Variants in EPHB1 observed in about 807,000 individuals in gnomAD.
The protein encoded by EPHB1 is EPH receptor B1, also known as ephrin type-B receptor 1.
Under a neutral mutation model 94.4 loss-of-function variants are expected in EPHB1, and 30 were observed. The observed-to-expected ratio is 0.32, with a 90% CI of 0.24 to 0.43. The LOEUF (loss-of-function observed/expected upper bound fraction) is 0.43. Ranked by LOEUF, EPHB1 falls within the 20% of genes least tolerant of loss-of-function variation. The pLI is 1.00. For synonymous variants in EPHB1, 522 were observed against 489.1 expected (o/e 1.07, Z -0.89); for missense variants, 1,055 against 1,308.3 (o/e 0.81, Z 2.99).
intron 1 of EPHB1, among the ~76,000 whole-genome samples, chr3:134,824,482 G>C (rs999943633): frequency 1.3e-5 from 2 of 152,190 alleles, no homozygotes; most frequent in African/African-American, 4.8e-5. Flanking sequence ...ATTGCTCCCT[G>C]TTGTCAAAAG....
At chr3:135,032,546 T>C (rs1349769670) in intron 3 of EPHB1, among the ~76,000 whole-genome samples, 1 of 152,196 alleles carries the variant, frequency 6.6e-6, no homozygotes, top group Non-Finnish European at 1.5e-5. Context: ...CTTAAAAAAT[T>C]GTATCTGAGC....
chr3:135,238,506 C>T (rs1474172552), intron 12 of EPHB1, among the ~76,000 whole-genome samples: 2 of 152,198 alleles, frequency 1.3e-5, no homozygotes, highest in Non-Finnish European at 2.9e-5. Flanking sequence ...CTGGGGTTTG[C>T]TCCAGACTTG....
chr3:134,810,886 G>A (rs979796147), intron 1 of EPHB1, among the ~76,000 whole-genome samples: 80 of 152,326 alleles, frequency 5.3e-4, no homozygotes, highest in Non-Finnish European at 8.8e-5. Context: ...CCTAAGCCTA[G>A]CAGGGTACTG....
chr3:135,031,306 CCTTTCTCT>C (rs1488151312), intron 3 of EPHB1, among the ~76,000 whole-genome samples: 1 of 152,044 alleles, frequency 6.6e-6, no homozygotes, highest in Admixed American at 6.6e-5. Context: ...TCTCTTTCTC[CCTTTCTCT>C]CTTTCTCTGT....
chr3:134,897,492 C>T (rs1328919042), intron 1 of EPHB1, among the ~76,000 whole-genome samples: 12 of 152,144 alleles, frequency 7.9e-5, no homozygotes, highest in Non-Finnish European at 1.5e-4. Flanking sequence ...CAGGTGTGTT[C>T]GATCTTCTGG....
intron 1 of EPHB1, among the ~76,000 whole-genome samples, chr3:134,895,220 C>T (rs2038065417): frequency 6.6e-6 from 1 of 152,198 alleles, no homozygotes; most frequent in African/African-American, 2.4e-5. Context: ...TTGCTCTTTC[C>T]AGCTCAGCTT....
intron 4 of EPHB1, among the ~76,000 whole-genome samples, chr3:135,127,528 C>G (rs1940253674): frequency 1.3e-5 from 2 of 152,152 alleles, no homozygotes; most frequent in Non-Finnish European, 2.9e-5. Flanking sequence ...CTGCTTGGCA[C>G]CTTGTACCAG....
intron 12 of EPHB1, among the ~76,000 whole-genome samples, chr3:135,215,654 A>T (rs999247764): frequency 3.9e-5 from 6 of 152,208 alleles, no homozygotes; most frequent in African/African-American, 1.2e-4. Flanking sequence ...GTCAAGAGAG[A>T]ACAGGGGAAA....
In EPHB1 at chr3:134,870,569, G is replaced by C. The variant is rs115873098; in HGVS notation, c.59-55247G>C. Among the ~76,000 whole-genome samples the C allele has an allele frequency of 9.2e-5, 14 of 152,196 alleles. 1 individual carries two copies. The highest frequency in any genetic ancestry group is 9.2e-4 in the Admixed American group (14 of 15,288). On this transcript the variant is annotated intron_variant, in intron 1 of 15. Coordinates refer to ENST00000398015, the MANE Select transcript of EPHB1 (RefSeq NM_004441.5). ...AACAAATTCTGAATCGTGCTGGACC[G>C]TGGACACAGATCAGCACCATGAACG...
chr3:135,201,737 G>A (rs1942763422), intron 12 of EPHB1, 48 bp downstream of exon 12: 1 of 1,569,842 alleles, frequency 6.4e-7, no homozygotes, highest in South Asian at 1.1e-5. Flanking sequence ...ATGAGTTAAA[G>A]GGGACTCTAC....
intron 4 of EPHB1, among the ~76,000 whole-genome samples, chr3:135,110,878 G>A (rs2107800997): frequency 6.6e-6 from 1 of 152,258 alleles, no homozygotes; most frequent in South Asian, 2.1e-4. Flanking sequence ...TGGGGTGGGG[G>A]GGTGGTGTCC....
intron 1 of EPHB1, among the ~76,000 whole-genome samples, chr3:134,879,938 G>A (rs1470347512): frequency 6.6e-6 from 1 of 152,186 alleles, no homozygotes; most frequent in Non-Finnish European, 1.5e-5. Context: ...ATACCCTAGA[G>A]GATGTCTCAG....
chr3:134,911,098 C>A (rs1200257332), intron 1 of EPHB1, among the ~76,000 whole-genome samples: 1 of 152,232 alleles, frequency 6.6e-6, no homozygotes, highest in Admixed American at 6.5e-5. Context: ...AGGGACCAGA[C>A]TTCCACCTTG....
At chr3:134,896,040 C>T (rs976777411) in intron 1 of EPHB1, among the ~76,000 whole-genome samples, 1 of 152,124 alleles carries the variant, frequency 6.6e-6, no homozygotes, top group Non-Finnish European at 1.5e-5. Flanking sequence ...GTTTTCTTCA[C>T]ACATCTGCCA....
chr3:135,057,625 C>A (rs1288829697), intron 3 of EPHB1, among the ~76,000 whole-genome samples: 1 of 152,176 alleles, frequency 6.6e-6, no homozygotes, highest in Non-Finnish European at 1.5e-5. Context: ...GCTTTGGCTA[C>A]TCTCACTTTT....
At chr3:134,852,828 A>G (rs533031752) in intron 1 of EPHB1, among the ~76,000 whole-genome samples, 1 of 152,340 alleles carries the variant, frequency 6.6e-6, no homozygotes, top group East Asian at 1.9e-4. Context: ...GACAAGAAAA[A>G]GCAGCAAAAC....
At chr3:135,063,628 T>C (rs1297313413) in intron 3 of EPHB1, among the ~76,000 whole-genome samples, 2 of 152,214 alleles carry the variant, frequency 1.3e-5, no homozygotes, top group Admixed American at 1.3e-4. Flanking sequence ...AATTGTATCA[T>C]CAGCAAACAG....
chr3:134,962,708 C>T (rs960392825), intron 3 of EPHB1, among the ~76,000 whole-genome samples: 1 of 152,152 alleles, frequency 6.6e-6, no homozygotes, highest in African/African-American at 2.4e-5. Context: ...ATTTTCCCAG[C>T]TTACCTCTGG....
intron 3 of EPHB1, among the ~76,000 whole-genome samples, chr3:134,970,016 T>C (rs563949593): frequency 1.1e-4 from 17 of 152,360 alleles, no homozygotes; most frequent in African/African-American, 3.8e-4. Flanking sequence ...AGTCCTTTTG[T>C]CGAATATGTG....
Sources: gnomAD v4.1 joint callset for allele counts (sites outside exome capture counted in the v4.1 genomes callset) on GRCh38, gnomAD v4.1.1 for gene constraint, MANE v1.5 for transcripts, NCBI Gene and HGNC (gene_info 2026-07-23, HGNC 2026-07-21) for gene names.